The following CADM1 variants were observed in gnomAD, a reference collection of about 807,000 sequenced individuals.
CADM1 encodes the protein cell adhesion molecule 1, also known as TSLC-1.
In CADM1, 15 loss-of-function variants were observed where a neutral mutation model predicts 53.1. That is an observed-to-expected ratio of 0.28 (90% confidence interval 0.19 to 0.44). CADM1 has a LOEUF of 0.44. Ranked by LOEUF, CADM1 falls within the 20% of genes least tolerant of loss-of-function variation. The pLI is 1.00. For missense variants in CADM1, 434 were observed against 611.3 expected (o/e 0.71, Z 3.06); for synonymous variants, 281 against 243.0 (o/e 1.16, Z -1.45).
At chr11:115,218,667 C>CAG (rs545390524) in intron 5 of CADM1, among the ~76,000 whole-genome samples, 3 of 152,278 alleles carry the variant, frequency 2.0e-5, no homozygotes, top group East Asian at 3.9e-4. Flanking sequence ...TCCAAGATCA[C>CAG]AGAGAGAGAG....
rs553508311 is a variant in CADM1, at chr11:115,389,018, G to A, written c.124+115253C>T. 4.6e-5 allele frequency among the ~76,000 whole-genome samples: 7 copies of A among 152,084 alleles called. No homozygotes were observed. The East Asian group carries it at 7.7e-4, about 17-fold the overall frequency. On this transcript the variant is annotated intron_variant, in intron 1 of 11. Transcript: ENST00000331581. ...GTTACATAAGAAAATCTTATTCTTC[G>A]GAAATATACTCTGATGTATTTGGAG...
At chr11:115,437,575 G>A (rs907758253) in intron 1 of CADM1, among the ~76,000 whole-genome samples, 1 of 152,146 alleles carries the variant, frequency 6.6e-6, no homozygotes, top group Non-Finnish European at 1.5e-5. Context: ...ACAGAAGCAG[G>A]AGAAACGGGA....
intron 1 of CADM1, among the ~76,000 whole-genome samples, chr11:115,416,004 A>G (rs1022564779): frequency 4.6e-5 from 7 of 152,142 alleles, no homozygotes; most frequent in Non-Finnish European, 1.5e-5. Context: ...CAAAAGGAAA[A>G]CCGAAAACAA....
chr11:115,174,875 C>T lies in CADM1; in HGVS notation c.*1599G>A. 1 of 985,616 alleles carries T rather than the reference C, an allele frequency of 1.0e-6. No individual in the cohort carries two copies. The highest frequency in any genetic ancestry group is 1.2e-6 in the Non-Finnish European group (1 of 829,856). The allele number at this position is 985,616 out of a possible 1,614,324, so 61.1% of individuals were successfully genotyped here. A position where few individuals can be genotyped will look rare whatever the true frequency, so the allele number is the denominator to read the frequency against. The stretch of plus-strand genomic sequence containing the variant: ...GTCCTTCAGGACTACTTCTAGATTT[C>T]CTAGACGTTTCAGTGAAAATCCCCA... On this transcript the variant is annotated 3_prime_UTR_variant, in exon 12 of 12. Transcript: ENST00000331581.
chr11:115,504,153 C>G, intron 1 of CADM1, 118 bp downstream of exon 1: 1 of 1,444,292 alleles, frequency 6.9e-7, no homozygotes, highest in South Asian at 1.3e-5. Context: ...ACACTCCCTC[C>G]GCTTCGGATG....
At chr11:115,250,033 T>A (rs1310483230) in intron 1 of CADM1, among the ~76,000 whole-genome samples, 1 of 152,118 alleles carries the variant, frequency 6.6e-6, no homozygotes, top group Non-Finnish European at 1.5e-5. Context: ...GCCTCCCAAG[T>A]AGCTGGGACT....
intron 1 of CADM1, among the ~76,000 whole-genome samples, chr11:115,247,293 T>A (rs1942438983): frequency 6.6e-6 from 1 of 152,172 alleles, no homozygotes; most frequent in Admixed American, 6.5e-5. Context: ...CACTTTTCAG[T>A]CTTATTGGGC....
intron 1 of CADM1, among the ~76,000 whole-genome samples, chr11:115,295,506 TTATATA>T (rs71066412): frequency 0.039 from 2,125 of 54,788 alleles, 41 homozygotes; most frequent in Middle Eastern, 0.071. Flanking sequence ...TCAAGATATT[TTATATA>T]TATATATATA....
intron 1 of CADM1, among the ~76,000 whole-genome samples, chr11:115,439,199 CACCAAAGAGAAA>C (rs1364181996): frequency 6.7e-6 from 1 of 148,252 alleles, no homozygotes; most frequent in East Asian, 1.9e-4. Context: ...TATCCATTAC[CACCAAAGAGAAA>C]ACTGGCCCAA....
intron 1 of CADM1, among the ~76,000 whole-genome samples, chr11:115,331,950 T>C (rs2135219229): frequency 6.6e-6 from 1 of 152,168 alleles, no homozygotes; most frequent in South Asian, 2.1e-4. Flanking sequence ...GATAGATTTC[T>C]TTATTCTACA....
intron 1 of CADM1, among the ~76,000 whole-genome samples, chr11:115,291,088 A>G (rs548056981): frequency 1.2e-4 from 18 of 152,308 alleles, no homozygotes; most frequent in Admixed American, 4.6e-4. Context: ...AAGCTCTTTT[A>G]TGGGCATGGA....
chr11:115,462,097 A>G (rs1948808593), intron 1 of CADM1, among the ~76,000 whole-genome samples: 1 of 152,204 alleles, frequency 6.6e-6, no homozygotes, highest in South Asian at 2.1e-4. Context: ...GCAGTGCTGC[A>G]GAACAAATGG....
chr11:115,455,701 G>A (rs1297482736), intron 1 of CADM1, among the ~76,000 whole-genome samples: 3 of 152,236 alleles, frequency 2.0e-5, no homozygotes, highest in Admixed American at 6.5e-5. Flanking sequence ...AAAACAAAAA[G>A]AGACAGTCCC....
intron 1 of CADM1, among the ~76,000 whole-genome samples, chr11:115,388,186 CGACTGACA>C (rs1159416836): frequency 6.6e-6 from 1 of 151,932 alleles, no homozygotes; most frequent in Non-Finnish European, 1.5e-5. Context: ...TAAGTCAATA[CGACTGACA>C]GACAGGCAGA....
In CADM1 at chr11:115,173,689, C is replaced by CT. The variant is rs11417765; in HGVS notation, c.*2784dup. ...ATATTTTATAGTACTTCTTTTTTTT[C>CT]TTTTTTTTTTTGTAAAAATGGTATA... On this transcript the variant is annotated 3_prime_UTR_variant, in exon 12 of 12. Coordinates refer to ENST00000331581, the MANE Select transcript of CADM1 (RefSeq NM_001301043.2). 0.45 allele frequency: 210,496 copies of CT among 464,944 alleles called. 29,084 individuals are homozygous for CT. The highest frequency in any genetic ancestry group is 0.5 in the East Asian group (3,160 of 6,364). 28.8% of individuals were successfully genotyped at this position (464,944 alleles called of 1,614,324 possible).
At chr11:115,278,576 T>C (rs1342219497) in intron 1 of CADM1, among the ~76,000 whole-genome samples, 1 of 152,072 alleles carries the variant, frequency 6.6e-6, no homozygotes, top group Non-Finnish European at 1.5e-5. Context: ...TGACTGAAGG[T>C]AGTTAGAAGT....
chr11:115,295,462 C>G (rs1944025709), intron 1 of CADM1, among the ~76,000 whole-genome samples: 1 of 146,322 alleles, frequency 6.8e-6, no homozygotes, highest in Admixed American at 6.9e-5. Context: ...AGGCTCCACT[C>G]TCTGCCGTCT....
chr11:115,430,496 G>A (rs1948018174), intron 1 of CADM1, among the ~76,000 whole-genome samples: 1 of 152,172 alleles, frequency 6.6e-6, no homozygotes, highest in South Asian at 2.1e-4. Context: ...AAGCAAAAGA[G>A]TCCTGCCTTA....
At chr11:115,443,554 A>C (rs572442396) in intron 1 of CADM1, among the ~76,000 whole-genome samples, 2 of 152,310 alleles carry the variant, frequency 1.3e-5, no homozygotes, top group African/African-American at 4.8e-5. Flanking sequence ...CTGCATGTAA[A>C]ATTTTTCTAT....
Sources: gnomAD v4.1 joint callset for allele counts (sites outside exome capture counted in the v4.1 genomes callset) on GRCh38, gnomAD v4.1.1 for gene constraint, MANE v1.5 for transcripts, NCBI Gene and HGNC (gene_info 2026-07-23, HGNC 2026-07-21) for gene names.